FARS2: variants seen among roughly 807,000 people sequenced by gnomAD.
FARS2 encodes phenylalanyl-tRNA synthetase 2, mitochondrial, also known as phenylalanine--tRNA ligase, mitochondrial.
A neutral mutation model predicts 46.4 loss-of-function variants in FARS2; 40 were observed. The ratio of observed to expected loss-of-function variants is 0.86; its 90% CI spans 0.67 to 1.12. FARS2 has a LOEUF of 1.12. Among genes scored for constraint, FARS2 ranks in the 50% most tolerant of loss-of-function variants. The pLI is 0.00. For missense variants in FARS2, 513 were observed against 567.9 expected (o/e 0.90, Z 0.98); for synonymous variants, 234 against 214.9 (o/e 1.09, Z -0.78).
chr6:5,260,204 G>A (rs1477745425), upstream of FARS2, among the ~76,000 whole-genome samples: 1 of 152,178 alleles, frequency 6.6e-6, no homozygotes, highest in Non-Finnish European at 1.5e-5. Context: ...TTAGGGAGGT[G>A]CTAGAGTGTG....
At chr6:5,728,880 G>A (rs1475160295) in intron 6 of FARS2, among the ~76,000 whole-genome samples, 1 of 152,160 alleles carries the variant, frequency 6.6e-6, no homozygotes, top group Non-Finnish European at 1.5e-5. Flanking sequence ...TGCCTGCCCC[G>A]AAACCCTGCC....
intron 1 of FARS2, among the ~76,000 whole-genome samples, chr6:5,351,581 C>T (rs761555674): frequency 3.3e-5 from 5 of 152,146 alleles, no homozygotes; most frequent in Non-Finnish European, 5.9e-5. Flanking sequence ...TTATTTTCCT[C>T]GATTACAGAA....
At position 5,637,232 on chromosome 6, in the gene FARS2, T is replaced by C. The variant is rs558148980; in HGVS notation, c.1217+23912T>C. Among the ~76,000 whole-genome samples the C allele has an allele frequency of 2.6e-5, 4 of 152,328 alleles. No homozygotes were observed. The East Asian group carries it at 7.7e-4, about 29-fold the overall frequency. On this transcript the variant is annotated intron_variant, in intron 6 of 6. Transcript: ENST00000274680. ...CCAACCATTCCTGGTGAGGAGGCCT[T>C]AGATACCAAGAGCTTCATCTTCCAC...
chr6:5,447,673 G>C lies in FARS2; in HGVS notation c.904+16501G>C, dbSNP rs187966618. The stretch of plus-strand genomic sequence containing the variant: ...TTGTGTTTTTGACCCACATTTGGTT[G>C]AAAACAGTCCATGTAGAAGTGAACC... On this transcript the variant is annotated intron_variant, in intron 4 of 6. Coordinates refer to ENST00000274680, the MANE Select transcript of FARS2 (RefSeq NM_006567.5). 6.6e-5 allele frequency among the ~76,000 whole-genome samples: 10 copies of C among 152,300 alleles called. No homozygotes were observed. In the East Asian group the frequency reaches 1.9e-3, roughly 29 times the overall value.
At chr6:5,459,864 G>A (rs1448650676) in intron 4 of FARS2, among the ~76,000 whole-genome samples, 2 of 152,050 alleles carry the variant, frequency 1.3e-5, no homozygotes, top group Non-Finnish European at 2.9e-5. Flanking sequence ...ATCATTCTCT[G>A]TATCTCTAAG....
At chr6:5,755,129 C>A (rs1762138578) in intron 6 of FARS2, among the ~76,000 whole-genome samples, 1 of 152,194 alleles carries the variant, frequency 6.6e-6, no homozygotes, top group Admixed American at 6.5e-5. Flanking sequence ...CTCCATTCAG[C>A]TGTGTCTAAT....
intron 1 of FARS2, among the ~76,000 whole-genome samples, chr6:5,285,565 G>A (rs1174106169): frequency 6.6e-6 from 1 of 152,170 alleles, no homozygotes; most frequent in East Asian, 1.9e-4. Context: ...GTGGGTGCTC[G>A]CAGTTATTCC....
intron 6 of FARS2, among the ~76,000 whole-genome samples, chr6:5,686,345 C>G (rs867176680): frequency 7.9e-5 from 12 of 150,944 alleles, no homozygotes; most frequent in South Asian, 2.1e-4. Context: ...AATGCTCTCC[C>G]CCCCCGCTGC....
intron 4 of FARS2, among the ~76,000 whole-genome samples, chr6:5,435,636 C>T (rs1409664796): frequency 1.3e-5 from 2 of 152,102 alleles, no homozygotes; most frequent in African/African-American, 4.8e-5. Context: ...GTCACGTCCC[C>T]AAATACTACA....
chr6:5,503,566 A>T (rs1264616771), intron 4 of FARS2, among the ~76,000 whole-genome samples: 1 of 151,992 alleles, frequency 6.6e-6, no homozygotes, highest in Admixed American at 6.5e-5. Flanking sequence ...ATTAATTAAA[A>T]TATTTAAATA....
intron 5 of FARS2, among the ~76,000 whole-genome samples, chr6:5,595,289 C>T (rs1774134146): frequency 6.6e-6 from 1 of 152,136 alleles, no homozygotes; most frequent in African/African-American, 2.4e-5. Flanking sequence ...TACCTTGTGC[C>T]TAGGAGGTCT....
Position 5,556,977 on chromosome 6 carries a change from T to C in FARS2, c.1065+11637T>C, listed in dbSNP as rs12195090. On this transcript the variant is annotated intron_variant, in intron 5 of 6. Coordinates refer to ENST00000274680, the MANE Select transcript of FARS2 (RefSeq NM_006567.5). ...ACTCTGTGGAATCAGAGGGATACTT[T>C]TATACTGCACAGAATCACCTAAACT... 8.9e-3 allele frequency among the ~76,000 whole-genome samples: 1,360 copies of C among 152,258 alleles called. 10 individuals carry two copies. Among genetic ancestry groups the C allele is most frequent in the Non-Finnish European group, 0.015 (1,044 of 68,022 alleles).
chr6:5,364,089 G>A (rs923864052), intron 1 of FARS2, among the ~76,000 whole-genome samples: 2 of 152,138 alleles, frequency 1.3e-5, no homozygotes, highest in Non-Finnish European at 2.9e-5. Context: ...AGTTCTCTGT[G>A]TCAGTGAATG....
rs758852317 is a variant in FARS2, at chr6:5,368,785, C to T, written c.215C>T (p.Thr72Ile). 1 of 1,614,176 alleles carries T rather than the reference C, an allele frequency of 6.2e-7. No homozygotes were observed. ...AGCAACCTCACCCGGAAGGTCCTCA[C>T]CAGAGTTGGCAGGAACCTGCACAAC... The part of the protein sequence containing the change: ...DHSNLTRKVL[T>I]RVGRNLHNQQ... Residue 72 changes from threonine (T) to isoleucine (I), a missense_variant, in exon 2 of 7, where the codon ACC becomes ATC. Coordinates refer to ENST00000274680, the MANE Select transcript of FARS2 (RefSeq NM_006567.5).
chr6:5,513,969 G>T (rs1012561752), intron 4 of FARS2, among the ~76,000 whole-genome samples: 1 of 151,934 alleles, frequency 6.6e-6, no homozygotes, highest in African/African-American at 2.4e-5. Context: ...ATGCACTGTT[G>T]TATCTCTTCA....
In FARS2 at chr6:5,771,351, C is replaced by G; in HGVS notation, c.1278C>G (p.Ser426=). 1 of 1,614,150 alleles carries G rather than the reference C, an allele frequency of 6.2e-7. No individual in the cohort carries two copies. The highest frequency in any genetic ancestry group is 8.5e-7 in the Non-Finnish European group (1 of 1,179,988). Residue 426 remains serine, a synonymous_variant, in exon 7 of 7, where the codon TCC becomes TCG. Transcript: ENST00000274680. ...ACCGCCACATGGAACGGACTCTGTCCCAGAGAGAGGTCAGGCACATCCACC... is the reference window on the plus strand; with the variant it reads ...ACCGCCACATGGAACGGACTCTGTCGCAGAGAGAGGTCAGGCACATCCACC... ...ITYRHMERTL[S]QREVRHIHQA... is the part of the protein sequence containing the mutation.
intron 5 of FARS2, among the ~76,000 whole-genome samples, chr6:5,603,617 G>T (rs1774665061): frequency 6.6e-6 from 1 of 152,182 alleles, no homozygotes; most frequent in Non-Finnish European, 1.5e-5. Context: ...GGCATTCCTG[G>T]GCTTGCAGGA....
intron 3 of FARS2, 127 bp from the exon 4 acceptor site, chr6:5,430,914 G>C (rs1582082820): frequency 2.2e-6 from 2 of 923,254 alleles, no homozygotes; most frequent in African/African-American, 1.6e-5. Context: ...TTGCAAATTA[G>C]TTTATTTGCT....
intron 6 of FARS2, among the ~76,000 whole-genome samples, chr6:5,693,758 G>A (rs977883216): frequency 2.6e-5 from 4 of 152,158 alleles, no homozygotes; most frequent in South Asian, 4.1e-4. Flanking sequence ...GGCACTGGAC[G>A]CTGGCTGGCT....
Sources: allele counts gnomAD v4.1 joint callset (sites outside exome capture counted in the v4.1 genomes callset), GRCh38; gene constraint gnomAD v4.1.1; transcripts MANE v1.5; gene names NCBI Gene and HGNC (gene_info 2026-07-23, HGNC 2026-07-21).